The following MAML2 variants were observed in gnomAD, a reference collection of about 807,000 sequenced individuals.
MAML2 encodes the protein mastermind-like protein 2.
In MAML2, 22 loss-of-function variants were observed where a neutral mutation model predicts 96.1. The ratio of observed to expected loss-of-function variants is 0.23; its 90% CI spans 0.16 to 0.33. The LOEUF is 0.33. Ranked by LOEUF, MAML2 falls within the 10% of genes least tolerant of loss-of-function variation. The probability of loss-of-function intolerance (pLI) is 1.00; values close to 1 mark genes in which losing one functional copy is unlikely to be tolerated. For synonymous variants in MAML2, 561 were observed against 521.3 expected, an observed-to-expected ratio of 1.08 and a Z score of -1.04; for missense variants, 1,367 against 1,392.4, an observed-to-expected ratio of 0.98 and a Z score of 0.29.
At chr11:96,258,243 T>C (rs1042467510) in intron 1 of MAML2, among the ~76,000 whole-genome samples, 2 of 152,236 alleles carry the variant, frequency 1.3e-5, no homozygotes, top group African/African-American at 4.8e-5. Context: ...AAATATCCCA[T>C]GTTTTCATTT....
At chr11:95,988,113 A>ATGTGTGTGTGTG (rs141507951) in intron 3 of MAML2, among the ~76,000 whole-genome samples, 227 of 145,468 alleles carry the variant, frequency 1.6e-3, no homozygotes, top group African/African-American at 5.3e-3. Flanking sequence ...TGAAGACAGG[A>ATGTGTGTGTGTG]TGTGTGTGTG....
chr11:96,121,779 G>GTTTTTTTTTTTTTTTTTTTTTT (rs1405872923), intron 1 of MAML2, among the ~76,000 whole-genome samples: 1 of 40,800 alleles, frequency 2.5e-5, no homozygotes, highest in Admixed American at 2.7e-4. Context: ...CCAACTGCGT[G>GTTTTTTTTTTTTTTTTTTTTTT]ATTTTTTTTT....
Position 96,093,097 on chromosome 11 carries a change from C to A in MAML2, c.934G>T (p.Glu312Ter). The A allele has an allele frequency of 6.2e-7, 1 of 1,614,002 alleles. No individual in the cohort carries two copies. Among genetic ancestry groups the A allele is most frequent in the South Asian group, 1.1e-5 (1 of 91,058 alleles). The change falls in exon 2 of 5, where the codon GAA (glutamate) becomes TAA (stop). Residue 312 changes from glutamate to a stop codon, truncating the protein, a stop_gained. Coordinates refer to ENST00000524717, the MANE Select transcript of MAML2 (RefSeq NM_032427.4). LOFTEE classifies it high-confidence loss of function. ...GGAGGCACAGATATGTTGGTCAGTT[C>A]ATTGAACAGTTCCTGCAGCTCAGGA... ...MDPELQELFN[E>*]LTNISVPPMS...
At chr11:96,327,419 C>T (rs1013591814) in intron 1 of MAML2, among the ~76,000 whole-genome samples, 21 of 152,136 alleles carry the variant, frequency 1.4e-4, no homozygotes, top group Admixed American at 3.9e-4. Context: ...CTTTCCCATA[C>T]ACTTTTATTT....
At chr11:96,052,654 T>A (rs1859005974) in intron 2 of MAML2, among the ~76,000 whole-genome samples, 6 of 152,220 alleles carry the variant, frequency 3.9e-5, no homozygotes, top group Admixed American at 3.9e-4. Context: ...ATGCCCTGTG[T>A]CAATGCCATT....
At chr11:96,222,689 G>A (rs1417014231) in intron 1 of MAML2, among the ~76,000 whole-genome samples, 1 of 152,062 alleles carries the variant, frequency 6.6e-6, no homozygotes, top group Non-Finnish European at 1.5e-5. Context: ...AACCCCAAAA[G>A]TTGCATATCG....
In MAML2 at chr11:96,033,968, C is replaced by G. The variant is rs937778662; in HGVS notation, c.2140-42245G>C. Among the ~76,000 whole-genome samples, 3 of 152,252 alleles carry G rather than the reference C, an allele frequency of 2.0e-5. No homozygotes were observed. In the South Asian group the frequency reaches 6.2e-4, roughly 32 times the overall value. On this transcript the variant is annotated intron_variant, in intron 2 of 4. Transcript: ENST00000524717. ...TTGTTAGGCATGAAAATAGAAAACA[C>G]TTTACAAAGGGTTTTAAGGAAAATC...
intron 1 of MAML2, among the ~76,000 whole-genome samples, chr11:96,306,412 T>C (rs1458853427): frequency 6.6e-6 from 1 of 152,186 alleles, no homozygotes; most frequent in Non-Finnish European, 1.5e-5. Context: ...TGTTGACTAC[T>C]GCAAAAAGGG....
rs528128708 is a variant in MAML2 at position 96,266,337 on chromosome 11, G to A, written c.513+75046C>T. Reference sequence around the variant, plus strand: ...TGTAATCCCAGCACTTCGGGAGGTCGAGGTGGACAGATCACGAGGTCAGGA... The same window carrying A: ...TGTAATCCCAGCACTTCGGGAGGTCAAGGTGGACAGATCACGAGGTCAGGA... On this transcript the variant is annotated intron_variant, in intron 1 of 4. Transcript: ENST00000524717. Among the ~76,000 whole-genome samples the A allele has an allele frequency of 2.0e-5, 3 of 152,260 alleles. No homozygotes were observed. The South Asian group carries it at 6.2e-4, about 32-fold the overall frequency.
At chr11:96,296,861 C>T (rs1863307684) in intron 1 of MAML2, among the ~76,000 whole-genome samples, 1 of 152,102 alleles carries the variant, frequency 6.6e-6, no homozygotes, top group Non-Finnish European at 1.5e-5. Flanking sequence ...TAAGGAAAAA[C>T]AATGTCATAT....
chr11:96,264,700 A>G lies in MAML2; in HGVS notation c.513+76683T>C, dbSNP rs138931927. On this transcript the variant is annotated intron_variant, in intron 1 of 4. Coordinates refer to ENST00000524717, the MANE Select transcript of MAML2 (RefSeq NM_032427.4). ...ACGGAGGGTCCACAAATTAAGCATTACAAATTGTACTAACTACTGTATTGA... is the reference window on the plus strand; with the variant it reads ...ACGGAGGGTCCACAAATTAAGCATTGCAAATTGTACTAACTACTGTATTGA... 1.8e-3 allele frequency among the ~76,000 whole-genome samples: 281 copies of G among 152,336 alleles called. 4 individuals are homozygous for G. Among genetic ancestry groups the G allele is most frequent in the South Asian group, 0.016 (76 of 4,832 alleles).
intron 1 of MAML2, among the ~76,000 whole-genome samples, chr11:96,266,096 C>T (rs1430094942): frequency 6.6e-6 from 1 of 152,184 alleles, no homozygotes; most frequent in Admixed American, 6.5e-5. Flanking sequence ...AGACACTGCC[C>T]TGGTGTTGGA....
rs1470344895 is a variant in MAML2 at position 96,250,012 on chromosome 11, T to A, written c.513+91371A>T. ...TGGTCCTGCTAGAGCCTCCCTGCAA[T>A]TCGCTCAGAGACTTTGCACTTGCTA... On this transcript the variant is annotated intron_variant, in intron 1 of 4. Transcript: ENST00000524717. 4.6e-5 allele frequency among the ~76,000 whole-genome samples: 7 copies of A among 152,178 alleles called. No homozygotes were observed. The East Asian group carries it at 9.6e-4, about 21-fold the overall frequency.
At chr11:96,156,273 GCCTCCT>G (rs978617181) in intron 1 of MAML2, among the ~76,000 whole-genome samples, 1 of 152,074 alleles carries the variant, frequency 6.6e-6, no homozygotes, top group African/African-American at 2.4e-5. Context: ...TGCCCAGGCA[GCCTCCT>G]CCTCCTCCTC....
chr11:96,119,963 T>C (rs1179812726), intron 1 of MAML2, among the ~76,000 whole-genome samples: 1 of 148,982 alleles, frequency 6.7e-6, no homozygotes, highest in Admixed American at 6.7e-5. Flanking sequence ...TTCAGATTTT[T>C]TTTTTTTTTT....
chr11:96,274,953 C>A (rs1254409013), intron 1 of MAML2, among the ~76,000 whole-genome samples: 1 of 148,404 alleles, frequency 6.7e-6, no homozygotes. Context: ...TAAATGGGCT[C>A]ATTTATACAT....
At chr11:96,274,961 C>T (rs1394482471) in intron 1 of MAML2, among the ~76,000 whole-genome samples, 2 of 152,110 alleles carry the variant, frequency 1.3e-5, no homozygotes, top group South Asian at 4.1e-4. Flanking sequence ...CTCATTTATA[C>T]ATATTTTAAA....
At chr11:96,309,833 G>A (rs2136003589) in intron 1 of MAML2, among the ~76,000 whole-genome samples, 1 of 151,930 alleles carries the variant, frequency 6.6e-6, no homozygotes, top group East Asian at 1.9e-4. Flanking sequence ...CACGTAGCTG[G>A]AACTACAGAT....
chr11:95,993,457 C>T (rs1051853729), intron 2 of MAML2, among the ~76,000 whole-genome samples: 7 of 152,044 alleles, frequency 4.6e-5, no homozygotes, highest in Admixed American at 2.0e-4. Flanking sequence ...ATCCCAATTA[C>T]TTACTCAGGA....
Sources: gnomAD v4.1 joint callset for allele counts (sites outside exome capture counted in the v4.1 genomes callset) on GRCh38, gnomAD v4.1.1 for gene constraint, MANE v1.5 for transcripts, NCBI Gene and HGNC (gene_info 2026-07-23, HGNC 2026-07-21) for gene names.